CHCHD6: variants seen among roughly 807,000 people sequenced by gnomAD.
CHCHD6 encodes the protein MICOS complex subunit MIC25.
Under a neutral mutation model 32.3 loss-of-function variants are expected in CHCHD6, and 28 were observed. That is an observed-to-expected ratio of 0.87 (90% CI 0.64 to 1.19). The LOEUF (loss-of-function observed/expected upper bound fraction) is 1.19. Ranked by LOEUF, CHCHD6 falls within the 50% of genes most tolerant of loss-of-function variation. The pLI, the probability that CHCHD6 is intolerant of heterozygous loss-of-function variation, is 0.00. For synonymous variants in CHCHD6, 122 were observed against 117.5 expected, an observed-to-expected ratio of 1.04 and a Z score of -0.25; for missense variants, 333 against 307.0, an observed-to-expected ratio of 1.08 and a Z score of -0.63.
chr3:126,849,912 G>A (rs991140515), intron 4 of CHCHD6, among the ~76,000 whole-genome samples: 2 of 152,234 alleles, frequency 1.3e-5, no homozygotes, highest in African/African-American at 4.8e-5. Context: ...TGCGTGCTGC[G>A]TGGCCTCTCA....
chr3:126,780,390 C>T (rs1362655190), intron 4 of CHCHD6: 1 of 413,100 alleles, frequency 2.4e-6, no homozygotes, highest in Non-Finnish European at 4.8e-6. Context: ...TAAAAAGGCT[C>T]CATCACTCCA....
chr3:126,859,876 G>A (rs1367261626), intron 5 of CHCHD6, among the ~76,000 whole-genome samples: 2 of 152,226 alleles, frequency 1.3e-5, no homozygotes, highest in African/African-American at 2.4e-5. Flanking sequence ...GTGAGGCCTC[G>A]CTCATGCTGG....
Position 126,960,185 on chromosome 3 carries a change from T to G in CHCHD6, c.703-11T>G. 1 of 1,551,480 alleles carries G rather than the reference T, an allele frequency of 6.4e-7. No homozygotes were observed. The highest frequency in any genetic ancestry group is 8.7e-7 in the Non-Finnish European group (1 of 1,146,896). ...GGGCCCTGACTCAACTCTGACCTGTTCTCTTTGTAGGGCTGAGGAGCAGAC... is the reference window on the plus strand; with the variant it reads ...GGGCCCTGACTCAACTCTGACCTGTGCTCTTTGTAGGGCTGAGGAGCAGAC... On this transcript the variant is annotated splice_polypyrimidine_tract_variant and intron_variant, in intron 7 of 7. Coordinates refer to ENST00000290913, the MANE Select transcript of CHCHD6 (RefSeq NM_032343.3).
chr3:126,891,053 C>T (rs2077751871), intron 5 of CHCHD6, among the ~76,000 whole-genome samples: 1 of 152,202 alleles, frequency 6.6e-6, no homozygotes, highest in Non-Finnish European at 1.5e-5. Context: ...GTACCAGGCA[C>T]TGCCCTGTGT....
chr3:126,788,041 T>A (rs1335859972), intron 4 of CHCHD6, among the ~76,000 whole-genome samples: 2 of 152,220 alleles, frequency 1.3e-5, no homozygotes, highest in Non-Finnish European at 2.9e-5. Context: ...ATGAAGGCTG[T>A]TGAATTTTGT....
chr3:126,837,561 C>T (rs748311958), intron 4 of CHCHD6, among the ~76,000 whole-genome samples: 1 of 152,202 alleles, frequency 6.6e-6, no homozygotes, highest in Admixed American at 6.5e-5. Context: ...CTGTCTCATT[C>T]ATTCATACAT....
intron 1 of CHCHD6, among the ~76,000 whole-genome samples, chr3:126,718,346 A>T (rs1935122269): frequency 6.6e-6 from 1 of 152,246 alleles, no homozygotes; most frequent in African/African-American, 2.4e-5. Context: ...TCAATTGTTT[A>T]CATTGTACCA....
At chr3:126,704,514 G>C in intron 1 of CHCHD6, 115 bp downstream of exon 1, 1 of 610,228 alleles carries the variant, frequency 1.6e-6, no homozygotes, top group Non-Finnish European at 2.5e-6. Flanking sequence ...TGGGGCTTGG[G>C]AGACTCCGGG....
intron 1 of CHCHD6, among the ~76,000 whole-genome samples, chr3:126,706,295 A>C (rs1934484827): frequency 6.6e-6 from 1 of 152,174 alleles, no homozygotes; most frequent in South Asian, 2.1e-4. Context: ...GCAACATATA[A>C]ATTCTCTGTA....
At chr3:126,958,917 C>T (rs886996874) in intron 7 of CHCHD6, among the ~76,000 whole-genome samples, 1 of 152,206 alleles carries the variant, frequency 6.6e-6, no homozygotes, top group Non-Finnish European at 1.5e-5. Context: ...CTCCACACAC[C>T]CAATCAAGGG....
At chr3:126,957,249 T>C in intron 6 of CHCHD6, 167 bp from the exon 7 acceptor site, 1 of 763,114 alleles carries the variant, frequency 1.3e-6, no homozygotes, top group South Asian at 1.7e-5. Context: ...TCCTCTCATT[T>C]CTAGAACGGG....
At chr3:126,777,045 C>T (rs1175624358) in intron 4 of CHCHD6, among the ~76,000 whole-genome samples, 2 of 152,148 alleles carry the variant, frequency 1.3e-5, no homozygotes, top group African/African-American at 4.8e-5. Flanking sequence ...TCTCTTCCAC[C>T]CTCTGTGTCT....
At chr3:126,882,231 G>A (rs2077620501) in intron 5 of CHCHD6, among the ~76,000 whole-genome samples, 1 of 152,260 alleles carries the variant, frequency 6.6e-6, no homozygotes, top group Non-Finnish European at 1.5e-5. Context: ...GTAGTGGCAA[G>A]AGTACCTCTC....
intron 4 of CHCHD6, among the ~76,000 whole-genome samples, chr3:126,849,816 C>T (rs1004043873): frequency 3.3e-5 from 5 of 152,170 alleles, no homozygotes; most frequent in African/African-American, 1.2e-4. Context: ...GCCCTCAGCC[C>T]TTTTACAATT....
chr3:126,760,321 T>A (rs988406134), intron 4 of CHCHD6, among the ~76,000 whole-genome samples: 1 of 152,244 alleles, frequency 6.6e-6, no homozygotes, highest in African/African-American at 2.4e-5. Flanking sequence ...TTTTTTCAGT[T>A]CTTCTATTGT....
At chr3:126,958,732 G>T (rs1235720464) in intron 7 of CHCHD6, among the ~76,000 whole-genome samples, 1 of 152,224 alleles carries the variant, frequency 6.6e-6, no homozygotes, top group Non-Finnish European at 1.5e-5. Flanking sequence ...AGAGAGGGAA[G>T]CCCTGGGTAG....
At chr3:126,881,113 G>C (rs2077603031) in intron 5 of CHCHD6, among the ~76,000 whole-genome samples, 1 of 152,254 alleles carries the variant, frequency 6.6e-6, no homozygotes, top group Non-Finnish European at 1.5e-5. Flanking sequence ...TTCCTCAAAA[G>C]AAAGTTAATG....
At chr3:126,791,180 G>A (rs1938521026) in intron 4 of CHCHD6, among the ~76,000 whole-genome samples, 1 of 152,228 alleles carries the variant, frequency 6.6e-6, no homozygotes, top group African/African-American at 2.4e-5. Context: ...ATGTTCCTCT[G>A]GAAGTTTCAT....
At chr3:126,934,536 C>CCTTT (rs1491268081) in intron 6 of CHCHD6, among the ~76,000 whole-genome samples, 95 of 58,248 alleles carry the variant, frequency 1.6e-3, no homozygotes, top group Middle Eastern at 0.013. Context: ...CCCCTCTCTG[C>CCTTT]TTTTTTTTTT....
Sources: allele counts gnomAD v4.1 joint callset (sites outside exome capture counted in the v4.1 genomes callset), GRCh38; gene constraint gnomAD v4.1.1; transcripts MANE v1.5; gene names NCBI Gene and HGNC (gene_info 2026-07-23, HGNC 2026-07-21).